NIBAN1: variants seen among roughly 807,000 people sequenced by gnomAD.
NIBAN1 encodes the protein protein Niban 1.
Under a neutral mutation model 75.1 loss-of-function variants are expected in NIBAN1, and 81 were observed. The observed-to-expected ratio is 1.08, with a 90% CI of 0.90 to 1.30. NIBAN1 has a LOEUF of 1.30. NIBAN1 is among the 50% of genes most tolerant of loss of function. The pLI is 0.00. For missense variants in NIBAN1, 1,133 were observed against 1,128.1 expected (o/e 1.00, Z -0.06); for synonymous variants, 436 against 424.8 (o/e 1.03, Z -0.32).
At chr1:184,825,468 A>G (rs1248750325) in intron 6 of NIBAN1, among the ~76,000 whole-genome samples, 1 of 152,246 alleles carries the variant, frequency 6.6e-6, no homozygotes, top group Non-Finnish European at 1.5e-5. Context: ...TTTGGAACAA[A>G]CAAATATTTG....
At chr1:184,904,289 T>C (rs1571561736) in intron 1 of NIBAN1, among the ~76,000 whole-genome samples, 1 of 152,056 alleles carries the variant, frequency 6.6e-6, no homozygotes, top group Non-Finnish European at 1.5e-5. Flanking sequence ...TCGACTCCCA[T>C]AGTGCTGGGA....
chr1:184,921,895 T>C (rs1657565081), intron 1 of NIBAN1, among the ~76,000 whole-genome samples: 1 of 152,220 alleles, frequency 6.6e-6, no homozygotes, highest in South Asian at 2.1e-4. Context: ...GAAGCAGTAA[T>C]TGTATAATAA....
At chr1:184,796,966 G>A (rs1476866816) in intron 13 of NIBAN1, among the ~76,000 whole-genome samples, 1 of 152,128 alleles carries the variant, frequency 6.6e-6, no homozygotes, top group Non-Finnish European at 1.5e-5. Flanking sequence ...TAGACACTGT[G>A]CTGACATCTT....
chr1:184,871,956 T>C (rs1248864423), intron 5 of NIBAN1, among the ~76,000 whole-genome samples: 1 of 152,058 alleles, frequency 6.6e-6, no homozygotes, highest in Non-Finnish European at 1.5e-5. Flanking sequence ...TCCTCAAGCA[T>C]CTAGTAAGAG....
chr1:184,944,736 C>G (rs1658180006), intron 1 of NIBAN1, among the ~76,000 whole-genome samples: 1 of 152,196 alleles, frequency 6.6e-6, no homozygotes, highest in Non-Finnish European at 1.5e-5. Context: ...CCATGAGATT[C>G]CTACAGAAAA....
intron 9 of NIBAN1, among the ~76,000 whole-genome samples, chr1:184,817,825 C>G (rs1246064990): frequency 6.6e-6 from 1 of 152,202 alleles, no homozygotes; most frequent in Non-Finnish European, 1.5e-5. Context: ...GAAAACCTAA[C>G]TTAGTAGTAT....
intron 5 of NIBAN1, among the ~76,000 whole-genome samples, chr1:184,861,327 A>G (rs533043675): frequency 4.1e-3 from 621 of 152,268 alleles, no homozygotes; most frequent in Non-Finnish European, 7.6e-3. Flanking sequence ...TCCTTTACAC[A>G]CGTATCTCAA....
chr1:184,879,239 T>C (rs1456610020), intron 5 of NIBAN1, among the ~76,000 whole-genome samples: 2 of 152,232 alleles, frequency 1.3e-5, no homozygotes, highest in Non-Finnish European at 2.9e-5. Flanking sequence ...AATATTTTTA[T>C]AAGTAAAAGC....
chr1:184,925,112 C>T (rs1657649833), intron 1 of NIBAN1, among the ~76,000 whole-genome samples: 1 of 151,906 alleles, frequency 6.6e-6, no homozygotes, highest in Admixed American at 6.6e-5. Context: ...TATATATTTA[C>T]AATTGTTATA....
intron 1 of NIBAN1, among the ~76,000 whole-genome samples, chr1:184,939,488 T>G (rs1310452919): frequency 6.6e-6 from 1 of 152,242 alleles, no homozygotes; most frequent in East Asian, 1.9e-4. Flanking sequence ...CATTACTCCC[T>G]TTGAGAAGCC....
intron 1 of NIBAN1, among the ~76,000 whole-genome samples, chr1:184,928,680 C>T (rs1335825340): frequency 6.6e-6 from 1 of 152,160 alleles, no homozygotes; most frequent in Admixed American, 6.5e-5. Flanking sequence ...TGTCTCTGTG[C>T]CATGCGACCA....
rs560651123 is a variant in NIBAN1, at chr1:184,853,000, CTAAT to C, written c.602-21042_602-21039del. ...CCATTGGACTTACCACATGGAATAT[CTAAT>C]TAATTAACCTAATAAAATAGTGAAA... On this transcript the variant is annotated intron_variant, in intron 5 of 13. Coordinates refer to ENST00000367511, the MANE Select transcript of NIBAN1 (RefSeq NM_052966.4). Among the ~76,000 whole-genome samples the C allele has an allele frequency of 5.0e-4, 76 of 152,208 alleles. No individual in the cohort carries two copies. In the East Asian group the frequency reaches 0.012, roughly 24 times the overall value.
At position 184,897,008 on chromosome 1, in the gene NIBAN1, G is replaced by A. The variant is rs975834173; in HGVS notation, c.186+2171C>T. 7.2e-5 allele frequency among the ~76,000 whole-genome samples: 11 copies of A among 152,050 alleles called. No homozygotes were observed. In the East Asian group the frequency reaches 7.7e-4, roughly 11 times the overall value. On this transcript the variant is annotated intron_variant, in intron 2 of 13. Transcript: ENST00000367511. ...TCCAGATTTGTTCCCTTGCTTGGGC[G>A]TGCTTTGGCTATTCAGGCTTTTATT... is the stretch of plus-strand genomic sequence containing the variant.
At chr1:184,878,265 T>C (rs1656284750) in intron 5 of NIBAN1, among the ~76,000 whole-genome samples, 1 of 152,214 alleles carries the variant, frequency 6.6e-6, no homozygotes, top group South Asian at 2.1e-4. Context: ...TTCTTCTAGT[T>C]CCAACTCTTA....
rs111420352 is a variant in NIBAN1, at chr1:184,818,731, C to G, written c.1080G>C (p.Ser360=). Residue 360 remains serine, a synonymous_variant, in exon 9 of 14, where the codon TCG becomes TCC. Transcript: ENST00000367511. ...AGAGTACACGTACTTCACTGAATCC[C>G]GAGCTCACTGGTCCCATGAGCTCCT... The part of the protein sequence containing the change: ...ILEELMGPVS[S]GFSEVRVLFE... 10 of 1,613,580 alleles carry G rather than the reference C, an allele frequency of 6.2e-6. No individual in the cohort carries two copies. The South Asian group carries it at 1.1e-4, about 18-fold the overall frequency.
At chr1:184,842,328 G>C (rs1655309087) in intron 5 of NIBAN1, among the ~76,000 whole-genome samples, 1 of 152,212 alleles carries the variant, frequency 6.6e-6, no homozygotes, top group Admixed American at 6.5e-5. Context: ...TGATTCAATA[G>C]GTCTGGGGCA....
chr1:184,857,463 T>C (rs1655709314), intron 5 of NIBAN1, among the ~76,000 whole-genome samples: 1 of 152,192 alleles, frequency 6.6e-6, no homozygotes, highest in Non-Finnish European at 1.5e-5. Context: ...TTTAATAATA[T>C]TTTCTAAAAT....
chr1:184,842,228 C>T (rs563861848), intron 5 of NIBAN1, among the ~76,000 whole-genome samples: 43 of 152,218 alleles, frequency 2.8e-4, no homozygotes, highest in Non-Finnish European at 5.3e-4. Flanking sequence ...CTGATGTACT[C>T]TACCCCAGTG....
intron 5 of NIBAN1, among the ~76,000 whole-genome samples, chr1:184,835,065 A>C (rs1474689681): frequency 6.6e-6 from 1 of 152,210 alleles, no homozygotes; most frequent in Non-Finnish European, 1.5e-5. Flanking sequence ...ACATATGGCT[A>C]GCCAGTTTTC....
Sources: allele counts gnomAD v4.1 joint callset (sites outside exome capture counted in the v4.1 genomes callset), GRCh38; gene constraint gnomAD v4.1.1; transcripts MANE v1.5; gene names NCBI Gene and HGNC (gene_info 2026-07-23, HGNC 2026-07-21).